YEATS2: variants seen among roughly 807,000 people sequenced by gnomAD.
YEATS2 encodes YEATS domain-containing protein 2.
Under a neutral mutation model 163.2 loss-of-function variants are expected in YEATS2, and 77 were observed. The observed-to-expected ratio is 0.47, with a 90% confidence interval of 0.39 to 0.57. The LOEUF is 0.57. YEATS2 is among the 20% of genes least tolerant of loss of function. The pLI, the probability that YEATS2 is intolerant of heterozygous loss-of-function variation, is 0.00. For missense variants in YEATS2, 1,549 were observed against 1,729.8 expected, an observed-to-expected ratio of 0.90 and a Z score of 1.85; for synonymous variants, 631 against 645.1, an observed-to-expected ratio of 0.98 and a Z score of 0.33.
chr3:183,705,634 AG>A (rs1462134886), intron 1 of YEATS2, among the ~76,000 whole-genome samples: 2 of 152,226 alleles, frequency 1.3e-5, no homozygotes, highest in Non-Finnish European at 2.9e-5. Context: ...ATTTAGCTAA[AG>A]AGCCTTTAAA....
Position 183,754,311 on chromosome 3 carries a change from G to C in YEATS2, c.1336G>C (p.Glu446Gln). 8 of 1,614,016 alleles carry C rather than the reference G, an allele frequency of 5.0e-6. No individual in the cohort carries two copies. The highest frequency in any genetic ancestry group is 6.8e-6 in the Non-Finnish European group (8 of 1,179,942). Residue 446 changes from glutamate (E) to glutamine (Q), a missense_variant, in exon 11 of 31, where the codon GAG becomes CAG. Transcript: ENST00000305135. ...IVPQSQVPNP[E>Q]SPGKSFQPIT... is the part of the protein sequence containing the mutation. ...TCCACAAAGTCAGGTTCCTAATCCT[G>C]AGTCACCTGGAAAATCCTTCCAGCC...
At chr3:183,804,264 T>A in intron 27 of YEATS2, 76 bp downstream of exon 27, 3 of 1,558,996 alleles carry the variant, frequency 1.9e-6, no homozygotes, top group Non-Finnish European at 2.6e-6. Flanking sequence ...GATGAGGACT[T>A]GGAAGAGTTG....
intron 19 of YEATS2, among the ~76,000 whole-genome samples, chr3:183,779,328 T>C (rs263009): frequency 0.74 from 112,257 of 152,250 alleles, 43,091 homozygotes; most frequent in East Asian, 0.96. Context: ...CTTTTGTTCT[T>C]TTTTGTCGAA....
At chr3:183,783,800 C>T (rs1259190800) in intron 19 of YEATS2, among the ~76,000 whole-genome samples, 1 of 152,154 alleles carries the variant, frequency 6.6e-6, no homozygotes, top group Non-Finnish European at 1.5e-5. Flanking sequence ...TAGGTTGATT[C>T]CATGTCTTTG....
chr3:183,798,832 A>G lies in YEATS2; in HGVS notation c.3227-59A>G, dbSNP rs1020223658. On this transcript the variant is annotated intron_variant, in intron 22 of 30. Transcript: ENST00000305135. ...TGGGGTTGTCACCTGGAAGTAGATC[A>G]CCCTCATTAAAAATAATTTTTGTAT... 5 of 1,322,584 alleles carry G rather than the reference A, an allele frequency of 3.8e-6. No homozygotes were observed. In the East Asian group the frequency reaches 9.2e-5, roughly 24 times the overall value. The allele number at this position is 1,322,584 out of a possible 1,614,324, so 81.9% of individuals were successfully genotyped here. A position where few individuals can be genotyped will look rare whatever the true frequency, so the allele number is the denominator to read the frequency against.
chr3:183,763,788 G>A (rs1266004646), intron 15 of YEATS2, among the ~76,000 whole-genome samples: 2 of 152,012 alleles, frequency 1.3e-5, no homozygotes, highest in African/African-American at 2.4e-5. Context: ...ATATGGGCTC[G>A]GCATGGTGGC....
At chr3:183,803,084 C>G (rs1199354974) in intron 25 of YEATS2, 172 bp from the exon 26 acceptor site, 5 of 652,382 alleles carry the variant, frequency 7.7e-6, no homozygotes, top group Non-Finnish European at 1.3e-5. Flanking sequence ...GGCAAGACAC[C>G]TTCTCTTCTG....
intron 7 of YEATS2, among the ~76,000 whole-genome samples, chr3:183,731,400 A>G (rs1410625868): frequency 2.6e-5 from 4 of 152,166 alleles, no homozygotes; most frequent in African/African-American, 4.8e-5. Flanking sequence ...TATTGATGAT[A>G]GAAATCTCAT....
chr3:183,726,979 T>C (rs1717174296), intron 6 of YEATS2, among the ~76,000 whole-genome samples: 1 of 152,132 alleles, frequency 6.6e-6, no homozygotes, highest in Admixed American at 6.6e-5. Flanking sequence ...TTTTGTATTC[T>C]TAGTAGAGAT....
At chr3:183,767,665 G>A (rs1722042640) in intron 15 of YEATS2, among the ~76,000 whole-genome samples, 1 of 152,068 alleles carries the variant, frequency 6.6e-6, no homozygotes, top group African/African-American at 2.4e-5. Context: ...ACAGGTGTGA[G>A]CCATTGTGCC....
chr3:183,702,316 G>A (rs1714180795), intron 1 of YEATS2, among the ~76,000 whole-genome samples: 1 of 151,960 alleles, frequency 6.6e-6, no homozygotes, highest in African/African-American at 2.4e-5. Context: ...GTGGTGGTGC[G>A]TGCCTGTAAC....
At chr3:183,793,191 C>G (rs1003283812) in intron 21 of YEATS2, 6 of 1,283,146 alleles carry the variant, frequency 4.7e-6, no homozygotes. Flanking sequence ...CACACACACT[C>G]ACGCATGCAG....
At position 183,756,661 on chromosome 3, in the gene YEATS2, G is replaced by A. The variant is rs781138055; in HGVS notation, c.1524G>A (p.Gln508=). 1 of 1,588,866 alleles carries A rather than the reference G, an allele frequency of 6.3e-7. No individual in the cohort carries two copies. The highest frequency in any genetic ancestry group is 1.2e-5 in the South Asian group (1 of 85,286). ...TTATCATGGACAAGCAGCCGGGGCAGGTGATTGGAGCCACCACTCCCAGTA... is the reference window on the plus strand; with the variant it reads ...TTATCATGGACAAGCAGCCGGGGCAAGTGATTGGAGCCACCACTCCCAGTA... ...PYVIMDKQPG[Q]VIGATTPSTG... The change falls in exon 12 of 31, where the codon CAG becomes CAA. Residue 508 remains glutamine, a synonymous_variant. Transcript: ENST00000305135.
At chr3:183,793,032 C>A in intron 21 of YEATS2, 1 of 900,170 alleles carries the variant, frequency 1.1e-6, no homozygotes, top group Non-Finnish European at 1.6e-6. Flanking sequence ...CTGGTATAGA[C>A]AGATACTTCT....
intron 19 of YEATS2, among the ~76,000 whole-genome samples, chr3:183,781,320 C>T (rs1316187201): frequency 6.6e-6 from 1 of 152,154 alleles, no homozygotes. Flanking sequence ...GCCTGAGAAC[C>T]AGGAGCTCTG....
At chr3:183,760,764 C>A (rs576699817) in intron 13 of YEATS2, among the ~76,000 whole-genome samples, 3 of 152,250 alleles carry the variant, frequency 2.0e-5, no homozygotes, top group East Asian at 1.9e-4. Flanking sequence ...GTAAATTTTG[C>A]AAATCAGTTG....
At chr3:183,763,560 T>C (rs1721595014) in intron 15 of YEATS2, among the ~76,000 whole-genome samples, 1 of 152,186 alleles carries the variant, frequency 6.6e-6, no homozygotes, top group African/African-American at 2.4e-5. Flanking sequence ...ATCCCTGTTT[T>C]ACAAATGAGG....
chr3:183,774,823 C>T (rs1326069200), intron 17 of YEATS2, among the ~76,000 whole-genome samples: 1 of 152,200 alleles, frequency 6.6e-6, no homozygotes, highest in Non-Finnish European at 1.5e-5. Context: ...TCCACTCTCA[C>T]TTGGTGTTTT....
intron 10 of YEATS2, among the ~76,000 whole-genome samples, chr3:183,753,012 G>A (rs1182407962): frequency 6.6e-6 from 1 of 152,022 alleles, no homozygotes; most frequent in Non-Finnish European, 1.5e-5. Context: ...TGGCCAGGCT[G>A]GTCTCGAACT....
Sources: gnomAD v4.1 joint callset for allele counts (sites outside exome capture counted in the v4.1 genomes callset) on GRCh38, gnomAD v4.1.1 for gene constraint, MANE v1.5 for transcripts, NCBI Gene and HGNC (gene_info 2026-07-23, HGNC 2026-07-21) for gene names.